The following HSD17B4 variants were observed in gnomAD, a reference collection of about 807,000 sequenced individuals.
HSD17B4 encodes peroxisomal multifunctional enzyme type 2.
A neutral mutation model predicts 101.0 loss-of-function variants in HSD17B4; 70 were observed. The ratio of observed to expected loss-of-function variants is 0.69; its 90% confidence interval spans 0.57 to 0.85. HSD17B4 has a LOEUF of 0.85. Ranked by LOEUF, HSD17B4 falls within the 40% of genes least tolerant of loss-of-function variation. HSD17B4 has a pLI of 0.00. For missense variants in HSD17B4, 984 were observed against 892.4 expected (o/e 1.10, Z -1.31); for synonymous variants, 347 against 297.1 (o/e 1.17, Z -1.73).
chr5:119,468,596 G>A (rs1019612542), intron 2 of HSD17B4, among the ~76,000 whole-genome samples: 2 of 152,034 alleles, frequency 1.3e-5, no homozygotes, highest in Non-Finnish European at 2.9e-5. Context: ...GCTTTGGAGA[G>A]GACATTTTTG....
intron 2 of HSD17B4, among the ~76,000 whole-genome samples, chr5:119,467,467 G>A (rs1477724808): frequency 6.6e-6 from 1 of 152,148 alleles, no homozygotes; most frequent in African/African-American, 2.4e-5. Flanking sequence ...ATATCTGGGT[G>A]TTCCAGTGTT....
At chr5:119,492,985 T>G (rs1487987769) in intron 10 of HSD17B4, 1 of 152,198 alleles carries the variant, frequency 6.6e-6, no homozygotes, top group Non-Finnish European at 1.5e-5. Context: ...GGTCATTTTC[T>G]CTAATTGTTA....
intron 22 of HSD17B4, among the ~76,000 whole-genome samples, chr5:119,532,218 C>G (rs755740133): frequency 6.6e-6 from 1 of 152,090 alleles, no homozygotes; most frequent in Non-Finnish European, 1.5e-5. Context: ...GGAGGTAGAG[C>G]AGTAAGTCCC....
At chr5:119,492,965 T>C (rs1373734685) in intron 10 of HSD17B4, 1 of 152,168 alleles carries the variant, frequency 6.6e-6, no homozygotes, top group Non-Finnish European at 1.5e-5. Flanking sequence ...ATAATATTTT[T>C]AGAATTAATG....
intron 10 of HSD17B4, chr5:119,492,596 G>A (rs1750212111): frequency 6.3e-6 from 1 of 159,136 alleles, no homozygotes; most frequent in Non-Finnish European, 1.4e-5. Flanking sequence ...CAAGGGGAGT[G>A]AGGAATCACA....
chr5:119,527,889 T>A (rs185062128), intron 20 of HSD17B4, among the ~76,000 whole-genome samples: 1 of 152,172 alleles, frequency 6.6e-6, no homozygotes, highest in African/African-American at 2.4e-5. Context: ...TGAGGTTATT[T>A]TGGGGTGAGG....
chr5:119,530,863 ACAAAAAAC>A (rs765507168), intron 21 of HSD17B4, among the ~76,000 whole-genome samples: 39 of 126,004 alleles, frequency 3.1e-4, no homozygotes, highest in East Asian at 2.8e-3. Flanking sequence ...AAAAAAAAAA[ACAAAAAAC>A]AAAAAAAACC....
rs1332923801 is a variant in HSD17B4, at chr5:119,499,298, T to G, written c.973-19T>G. The G allele has an allele frequency of 6.5e-6, 10 of 1,545,700 alleles. No individual in the cohort carries two copies. Among genetic ancestry groups the G allele is most frequent in the Non-Finnish European group, 8.9e-6 (10 of 1,118,020 alleles). ...AAAAGTTATCAATGAAATAAATTAC[T>G]TTTTAAAACTGTTCTTAGGCTGGAG... On this transcript the variant is annotated intron_variant, in intron 12 of 23. Transcript: ENST00000510025.
At chr5:119,455,840 A>G (rs1452621043) in intron 1 of HSD17B4, among the ~76,000 whole-genome samples, 1 of 152,176 alleles carries the variant, frequency 6.6e-6, no homozygotes, top group Non-Finnish European at 1.5e-5. Context: ...CCACAGCCCA[A>G]GTAGCACTGG....
rs34544399 is a variant in HSD17B4, at chr5:119,507,028, A to T, written c.1333+139A>T. The T allele has an allele frequency of 0.051, 27,820 of 546,562 alleles. 3,743 individuals carry two copies. The highest frequency in any genetic ancestry group is 0.46 in the East Asian group (13,543 of 29,254). The allele number at this position is 546,562 out of a possible 1,614,324, so 33.9% of individuals were successfully genotyped here. On this transcript the variant is annotated intron_variant, in intron 15 of 23. Coordinates refer to ENST00000510025, the MANE Select transcript of HSD17B4 (RefSeq NM_000414.4). ...TAGAAAACAAGATAAGCATTTTTAA[A>T]CTCTTTAAGAAAAATAAAGAAGGAG...
intron 9 of HSD17B4, 46 bp downstream of exon 9, chr5:119,489,329 T>C: frequency 8.2e-7 from 1 of 1,226,214 alleles, no homozygotes; most frequent in Non-Finnish European, 1.2e-6. Flanking sequence ...CTCCAGTTGC[T>C]TACATTTGTA....
At chr5:119,498,652 T>G (rs1438108278) in intron 12 of HSD17B4, among the ~76,000 whole-genome samples, 2 of 152,018 alleles carry the variant, frequency 1.3e-5, no homozygotes, top group African/African-American at 4.8e-5. Flanking sequence ...CCGAGGTGGG[T>G]GGATCACGAG....
chr5:119,527,307 A>G (rs1400997106), intron 20 of HSD17B4, 88 bp downstream of exon 20: 1 of 739,558 alleles, frequency 1.4e-6, no homozygotes, highest in African/African-American at 1.8e-5. Context: ...TATGGATAGA[A>G]AGTTCTTTTT....
At chr5:119,534,775 G>A (rs1219441502) in intron 22 of HSD17B4, among the ~76,000 whole-genome samples, 1 of 152,174 alleles carries the variant, frequency 6.6e-6, no homozygotes, top group Non-Finnish European at 1.5e-5. Context: ...TGTTGGAGGT[G>A]TATCTGCCTC....
At chr5:119,468,634 T>A (rs1413881942) in intron 2 of HSD17B4, among the ~76,000 whole-genome samples, 1 of 152,180 alleles carries the variant, frequency 6.6e-6, no homozygotes, top group Non-Finnish European at 1.5e-5. Context: ...GACCTTTGAG[T>A]GTCCTGGATA....
intron 2 of HSD17B4, among the ~76,000 whole-genome samples, chr5:119,465,806 G>T (rs1398660431): frequency 6.6e-6 from 1 of 152,116 alleles, no homozygotes; most frequent in Non-Finnish European, 1.5e-5. Context: ...TAATTTGGAT[G>T]CCCTTTGTTT....
At position 119,479,804 on chromosome 5, in the gene HSD17B4, A is replaced by G. The variant is rs114300758; in HGVS notation, c.622+783A>G. On this transcript the variant is annotated intron_variant, in intron 8 of 23. Transcript: ENST00000510025. ...ATTAATAAAGCTGCCATAAGCATTC[A>G]TGTGCAGGTTTTTGTGTGGACATAA... 9.2e-3 allele frequency among the ~76,000 whole-genome samples: 1,406 copies of G among 152,206 alleles called. 20 individuals are homozygous for G. Among genetic ancestry groups the G allele is most frequent in the African/African-American group, 0.031 (1,301 of 41,534 alleles).
intron 17 of HSD17B4, among the ~76,000 whole-genome samples, chr5:119,524,612 T>A (rs991909138): frequency 6.6e-6 from 1 of 152,164 alleles, no homozygotes; most frequent in Non-Finnish European, 1.5e-5. Flanking sequence ...TCCCTATTGT[T>A]ATCCAGGCCA....
intron 13 of HSD17B4, among the ~76,000 whole-genome samples, chr5:119,500,072 A>G (rs1419906290): frequency 6.6e-6 from 1 of 152,190 alleles, no homozygotes; most frequent in Non-Finnish European, 1.5e-5. Context: ...TTTGATGAAC[A>G]TGTGAAGCCA....
Sources: allele counts gnomAD v4.1 joint callset (sites outside exome capture counted in the v4.1 genomes callset), GRCh38; gene constraint gnomAD v4.1.1; transcripts MANE v1.5; gene names NCBI Gene and HGNC (gene_info 2026-07-23, HGNC 2026-07-21).